The following FLRT2 variants were observed in gnomAD, a reference collection of about 807,000 sequenced individuals.
FLRT2 encodes the protein leucine-rich repeat transmembrane protein FLRT2.
FLRT2 carries 15 observed loss-of-function variants against 40.0 expected under a neutral mutation model. The observed-to-expected ratio is 0.38, with a 90% CI of 0.25 to 0.58. The LOEUF (loss-of-function observed/expected upper bound fraction) is 0.58, where lower values mean the gene tolerates loss of function less well. Among genes scored for constraint, FLRT2 ranks in the 20% least tolerant of loss-of-function variants. FLRT2 has a pLI of 0.71. For missense variants in FLRT2, 726 were observed against 840.0 expected (o/e 0.86, Z 1.68); for synonymous variants, 380 against 336.8 (o/e 1.13, Z -1.41).
chr14:85,544,236 T>C (rs1889146005), intron 1 of FLRT2, among the ~76,000 whole-genome samples: 1 of 152,220 alleles, frequency 6.6e-6, no homozygotes, highest in African/African-American at 2.4e-5. Flanking sequence ...AGCAGCAAGC[T>C]TTCCAAACCA....
At position 85,640,837 on chromosome 14, in the gene FLRT2, T is replaced by C. The variant is rs886991517; in HGVS notation, c.*17340T>C. Reference sequence around the variant, plus strand: ...CTTGAGAGAATTGTACACAAACGTTTCTAAAATACAGATCCTACCTTAGGC... The same window carrying C: ...CTTGAGAGAATTGTACACAAACGTTCCTAAAATACAGATCCTACCTTAGGC... On this transcript the variant is annotated 3_prime_UTR_variant, in exon 2 of 2. Coordinates refer to ENST00000330753, the MANE Select transcript of FLRT2 (RefSeq NM_013231.6). 4 of 152,292 alleles carry C rather than the reference T, an allele frequency of 2.6e-5. No homozygotes were observed. The highest frequency in any genetic ancestry group is 9.6e-5 in the African/African-American group (4 of 41,564). 9.4% of individuals were successfully genotyped at this position (152,292 alleles called of 1,614,324 possible). A position where few individuals can be genotyped will look rare whatever the true frequency, so the allele number is the denominator to read the frequency against.
chr14:85,613,246 G>C (rs1201622062), intron 1 of FLRT2, among the ~76,000 whole-genome samples: 1 of 152,110 alleles, frequency 6.6e-6, no homozygotes, highest in African/African-American at 2.4e-5. Flanking sequence ...GAACTGAACT[G>C]TTAGGTACAT....
chr14:85,617,239 C>T (rs1363718937), intron 1 of FLRT2, among the ~76,000 whole-genome samples: 1 of 152,158 alleles, frequency 6.6e-6, no homozygotes, highest in African/African-American at 2.4e-5. Flanking sequence ...TTTTGTTCTA[C>T]ACAGTGGAAT....
chr14:85,570,917 G>A (rs1408059309), intron 1 of FLRT2, among the ~76,000 whole-genome samples: 2 of 151,900 alleles, frequency 1.3e-5, no homozygotes, highest in Non-Finnish European at 2.9e-5. Context: ...AAACAACTCT[G>A]GTGGCTTAAT....
intron 1 of FLRT2, among the ~76,000 whole-genome samples, chr14:85,549,528 T>C (rs1024998399): frequency 3.3e-5 from 5 of 152,134 alleles, no homozygotes; most frequent in African/African-American, 9.7e-5. Context: ...AGAGTGAACA[T>C]AGAGAGAAGG....
chr14:85,588,174 A>ACAC (rs1891716304), intron 1 of FLRT2, among the ~76,000 whole-genome samples: 1 of 152,176 alleles, frequency 6.6e-6, no homozygotes, highest in Admixed American at 6.6e-5. Context: ...ATACTATTAT[A>ACAC]CACTTAAAAT....
rs1266741709 is a variant in FLRT2 at position 85,621,961 on chromosome 14, G to A, written c.447G>A (p.Gly149=). 6.2e-7 allele frequency: 1 copy of A among 1,600,356 alleles called. No individual in the cohort carries two copies. The highest frequency in any genetic ancestry group is 1.7e-5 in the Admixed American group (1 of 58,998). Residue 149 remains glycine, a synonymous_variant, in exon 2 of 2, where the codon GGG becomes GGA. Transcript: ENST00000330753. ...ATGACAACTCCATATCCACAGTGGG[G>A]GTGGAAGACGGGGCCTTCCGGGAGG... ...HLDDNSISTV[G]VEDGAFREAI...
intron 1 of FLRT2, among the ~76,000 whole-genome samples, chr14:85,535,268 T>C (rs1888575078): frequency 6.6e-6 from 1 of 152,004 alleles, no homozygotes; most frequent in Non-Finnish European, 1.5e-5. Context: ...AAAGCTAATC[T>C]GAAGGCTAGC....
chr14:85,567,194 C>T (rs1890663046), intron 1 of FLRT2, among the ~76,000 whole-genome samples: 1 of 152,158 alleles, frequency 6.6e-6, no homozygotes, highest in African/African-American at 2.4e-5. Context: ...TGAGCTGCCA[C>T]ATTTGACATG....
intron 1 of FLRT2, among the ~76,000 whole-genome samples, chr14:85,607,765 C>A (rs1253890541): frequency 6.6e-6 from 1 of 152,166 alleles, no homozygotes; most frequent in Non-Finnish European, 1.5e-5. Flanking sequence ...GTGCTTTCTA[C>A]TGTATTAAGA....
At position 85,635,295 on chromosome 14, in the gene FLRT2, T is replaced by G. The variant is rs550468880; in HGVS notation, c.*11798T>G. ...ATGAGATAATTTATATCATCTTCAC[T>G]TCAGTGGTTGGCATATATTCAAACC... On this transcript the variant is annotated 3_prime_UTR_variant, in exon 2 of 2. Transcript: ENST00000330753. 2.0e-5 allele frequency: 3 copies of G among 152,244 alleles called. No individual in the cohort carries two copies. The highest frequency in any genetic ancestry group is 7.2e-5 in the African/African-American group (3 of 41,548). 9.4% of individuals were successfully genotyped at this position (152,244 alleles called of 1,614,324 possible).
rs1893967305 is a variant in FLRT2, at chr14:85,634,930, TG to T, written c.*11434del. 6.6e-6 allele frequency: 1 copy of T among 152,200 alleles called. No individual in the cohort carries two copies. The highest frequency in any genetic ancestry group is 1.5e-5 in the Non-Finnish European group (1 of 68,032). The allele number at this position is 152,200 out of a possible 1,614,324, so 9.4% of individuals were successfully genotyped here. A position where few individuals can be genotyped will look rare whatever the true frequency, so the allele number is the denominator to read the frequency against. The stretch of plus-strand genomic sequence containing the variant: ...CCAAGTTACTTTGGACCTTAAATTC[TG>T]TTTTATGGTTGTTCATTTTCTATGT... On this transcript the variant is annotated 3_prime_UTR_variant, in exon 2 of 2. Transcript: ENST00000330753.
In FLRT2 at chr14:85,545,728, C is replaced by T. The variant is rs566728873; in HGVS notation, c.-377+15194C>T. ...GACAACTTCTAGCACATTTTCAGTA[C>T]TAAGGAAAGCTTGTGGATACATGCC... On this transcript the variant is annotated intron_variant, in intron 1 of 1. Transcript: ENST00000330753. 4.6e-5 allele frequency among the ~76,000 whole-genome samples: 7 copies of T among 152,296 alleles called. No individual in the cohort carries two copies. In the South Asian group the frequency reaches 1.0e-3, roughly 23 times the overall value.
In FLRT2 at chr14:85,613,209, A is replaced by C. The variant is rs757636876; in HGVS notation, c.-376-7930A>C. Among the ~76,000 whole-genome samples the C allele has an allele frequency of 4.6e-5, 7 of 152,288 alleles. No homozygotes were observed. In the South Asian group the frequency reaches 1.5e-3, roughly 32 times the overall value. On this transcript the variant is annotated intron_variant, in intron 1 of 1. Transcript: ENST00000330753. The stretch of plus-strand genomic sequence containing the variant: ...TTTTTGTGATAGATCACGAATACTT[A>C]GTTGATTTCAGGTCACAGCCATCAT...
intron 1 of FLRT2, among the ~76,000 whole-genome samples, chr14:85,560,301 G>A (rs999673968): frequency 2.6e-5 from 4 of 152,144 alleles, no homozygotes; most frequent in Middle Eastern, 3.4e-3. Flanking sequence ...ATCACAGGCC[G>A]GGCGCAGTGG....
rs1468663475 is a variant in FLRT2, at chr14:85,633,023, A to AT, written c.*9531dup. ...GAATAAATGACATGAAGCACCATGT[A>AT]TTTTTCATGCAGATGTAATTCACAA... On this transcript the variant is annotated 3_prime_UTR_variant, in exon 2 of 2. Transcript: ENST00000330753. The AT allele has an allele frequency of 6.6e-6, 1 of 152,306 alleles. No homozygotes were observed. Among genetic ancestry groups the AT allele is most frequent in the South Asian group, 2.1e-4 (1 of 4,824 alleles). 9.4% of individuals were successfully genotyped at this position (152,306 alleles called of 1,614,324 possible). A position where few individuals can be genotyped will look rare whatever the true frequency, so the allele number is the denominator to read the frequency against.
At position 85,648,100 on chromosome 14, in the gene FLRT2, G is replaced by A. The variant is rs1894351570; in HGVS notation, c.*24603G>A. The A allele has an allele frequency of 6.6e-6, 1 of 152,072 alleles. No homozygotes were observed. Among genetic ancestry groups the A allele is most frequent in the South Asian group, 2.1e-4 (1 of 4,816 alleles). 9.4% of individuals were successfully genotyped at this position (152,072 alleles called of 1,614,324 possible). On this transcript the variant is annotated 3_prime_UTR_variant, in exon 2 of 2. Coordinates refer to ENST00000330753, the MANE Select transcript of FLRT2 (RefSeq NM_013231.6). ...CTTGAAACTATGATTGGAATTGAAG[G>A]TTAAAGAAAACCCAGCTATAGATTC...
intron 1 of FLRT2, among the ~76,000 whole-genome samples, chr14:85,566,282 C>T (rs1367438790): frequency 1.3e-5 from 2 of 151,984 alleles, no homozygotes; most frequent in African/African-American, 2.4e-5. Flanking sequence ...GCCACACATG[C>T]GTGGGTCAGG....
Position 85,636,390 on chromosome 14 carries a change from G to A in FLRT2, c.*12893G>A, listed in dbSNP as rs1000348338. ...AAAATCAAAGGTGAAGTCACCTGCA[G>A]AAAAAAAAAAAAAAAAAACAAAAAA... On this transcript the variant is annotated 3_prime_UTR_variant, in exon 2 of 2. Transcript: ENST00000330753. 3.2e-3 allele frequency: 244 copies of A among 75,272 alleles called. No individual in the cohort carries two copies. The highest frequency in any genetic ancestry group is 0.011 in the Middle Eastern group (1 of 90). The allele number at this position is 75,272 out of a possible 1,614,324, so 4.7% of individuals were successfully genotyped here.
Sources: gnomAD v4.1 joint callset for allele counts (sites outside exome capture counted in the v4.1 genomes callset) on GRCh38, gnomAD v4.1.1 for gene constraint, MANE v1.5 for transcripts, NCBI Gene and HGNC (gene_info 2026-07-23, HGNC 2026-07-21) for gene names.